Variants in LSAMP observed in about 807,000 individuals in gnomAD.
LSAMP encodes the protein limbic system-associated membrane protein.
Under a neutral mutation model 38.6 loss-of-function variants are expected in LSAMP, and 7 were observed. The ratio of observed to expected loss-of-function variants is 0.18; its 90% CI spans 0.10 to 0.34. LSAMP has a LOEUF of 0.34. LSAMP is among the 10% of genes least tolerant of loss of function. The pLI is 1.00. For synonymous variants in LSAMP, 154 were observed against 166.8 expected, an observed-to-expected ratio of 0.92 and a Z score of 0.59; for missense variants, 313 against 420.0, an observed-to-expected ratio of 0.75 and a Z score of 2.23.
chr3:116,178,755 A>G (rs1418185802), intron 1 of LSAMP, among the ~76,000 whole-genome samples: 1 of 152,148 alleles, frequency 6.6e-6, no homozygotes, highest in Non-Finnish European at 1.5e-5. Flanking sequence ...ACCCTTCAAA[A>G]CAGATAATAA....
intron 3 of LSAMP, among the ~76,000 whole-genome samples, chr3:115,930,116 G>C (rs1167568497): frequency 6.9e-6 from 1 of 144,906 alleles, no homozygotes; most frequent in Non-Finnish European, 1.5e-5. Flanking sequence ...AGTGACTTTG[G>C]GTGGAACTCT....
At chr3:116,107,377 A>T (rs1166283098) in intron 1 of LSAMP, among the ~76,000 whole-genome samples, 1 of 152,192 alleles carries the variant, frequency 6.6e-6, no homozygotes, top group Non-Finnish European at 1.5e-5. Flanking sequence ...AGGGCCTCTA[A>T]AAGTATTAAA....
intron 1 of LSAMP, among the ~76,000 whole-genome samples, chr3:116,108,817 C>A (rs1340739715): frequency 6.6e-6 from 1 of 152,154 alleles, no homozygotes; most frequent in Non-Finnish European, 1.5e-5. Flanking sequence ...GAACGCCTGG[C>A]CGCTGCGGTT....
At chr3:115,884,826 A>C (rs571413198) in intron 3 of LSAMP, among the ~76,000 whole-genome samples, 4 of 152,182 alleles carry the variant, frequency 2.6e-5, no homozygotes, top group Non-Finnish European at 5.9e-5. Context: ...AAAAGAATAA[A>C]CACGAATGAT....
chr3:115,891,918 G>A (rs758451984), intron 3 of LSAMP, among the ~76,000 whole-genome samples: 13 of 151,860 alleles, frequency 8.6e-5, no homozygotes, highest in Non-Finnish European at 1.6e-4. Context: ...TGATTATGAT[G>A]TTCACAGTCG....
At chr3:116,427,496 T>C (rs1258552420) in intron 1 of LSAMP, among the ~76,000 whole-genome samples, 2 of 152,218 alleles carry the variant, frequency 1.3e-5, no homozygotes, top group African/African-American at 2.4e-5. Context: ...CCATCAGAGC[T>C]ACAATTAGAA....
chr3:116,319,919 TC>T (rs1210426848), intron 1 of LSAMP, among the ~76,000 whole-genome samples: 3 of 152,148 alleles, frequency 2.0e-5, no homozygotes, highest in African/African-American at 7.2e-5. Context: ...GGTCTGTTTT[TC>T]CCTTGACTAC....
At chr3:115,946,350 A>T (rs1258468783) in intron 3 of LSAMP, among the ~76,000 whole-genome samples, 1 of 152,168 alleles carries the variant, frequency 6.6e-6, no homozygotes, top group Non-Finnish European at 1.5e-5. Flanking sequence ...AAAGGAATGG[A>T]GTGTTACCAA....
chr3:116,036,613 G>A (rs1941052279), intron 2 of LSAMP, among the ~76,000 whole-genome samples: 2 of 152,124 alleles, frequency 1.3e-5, no homozygotes, highest in Admixed American at 6.6e-5. Flanking sequence ...TAACCTATAA[G>A]TCACTGAGCC....
chr3:116,359,707 C>A (rs6785974), intron 1 of LSAMP, among the ~76,000 whole-genome samples: 127,674 of 152,094 alleles, frequency 0.84, 53,881 homozygotes, highest in South Asian at 0.93. Context: ...CCTGTCAAAA[C>A]TAAGCAATGG....
intron 3 of LSAMP, among the ~76,000 whole-genome samples, chr3:116,004,567 T>C (rs931607791): frequency 7.3e-5 from 11 of 150,304 alleles, no homozygotes; most frequent in South Asian, 2.1e-4. Context: ...TATATATATA[T>C]ACATATATAT....
At chr3:116,126,499 C>A (rs1420711392) in intron 1 of LSAMP, among the ~76,000 whole-genome samples, 1 of 152,196 alleles carries the variant, frequency 6.6e-6, no homozygotes, top group African/African-American at 2.4e-5. Flanking sequence ...CCTATGTCCA[C>A]AGTCAGAGCA....
chr3:116,220,930 G>A (rs1222007766), intron 1 of LSAMP, among the ~76,000 whole-genome samples: 11 of 152,152 alleles, frequency 7.2e-5, no homozygotes, highest in African/African-American at 1.4e-4. Flanking sequence ...CGGGGCAGGC[G>A]GATCACGAGG....
At chr3:116,161,682 C>T (rs952854941) in intron 1 of LSAMP, among the ~76,000 whole-genome samples, 2 of 152,108 alleles carry the variant, frequency 1.3e-5, no homozygotes, top group East Asian at 3.9e-4. Flanking sequence ...ACTGAGGTTC[C>T]AAACTGTCTA....
chr3:115,884,667 G>C (rs74787777), intron 3 of LSAMP, among the ~76,000 whole-genome samples: 3,523 of 152,046 alleles, frequency 0.023, 129 homozygotes, highest in African/African-American at 0.078. Flanking sequence ...AGAAAACAAT[G>C]CAAGGAATGC....
At chr3:116,098,698 C>T (rs1221975975) in intron 1 of LSAMP, among the ~76,000 whole-genome samples, 1 of 152,134 alleles carries the variant, frequency 6.6e-6, no homozygotes, top group African/African-American at 2.4e-5. Context: ...GTGAGGAGGA[C>T]TTCATCCTTG....
chr3:116,408,979 G>A (rs761055992), intron 1 of LSAMP, among the ~76,000 whole-genome samples: 1 of 152,002 alleles, frequency 6.6e-6, no homozygotes, highest in Non-Finnish European at 1.5e-5. Flanking sequence ...TCATTGTGCA[G>A]AAACAGAAAA....
chr3:116,367,728 C>T (rs768277215), intron 1 of LSAMP, among the ~76,000 whole-genome samples: 42 of 151,968 alleles, frequency 2.8e-4, no homozygotes, highest in Middle Eastern at 6.8e-3. Flanking sequence ...AGGCTGGTCT[C>T]GAACTCCTGA....
chr3:115,957,285 G>T (rs1186028156), intron 3 of LSAMP, among the ~76,000 whole-genome samples: 1 of 152,128 alleles, frequency 6.6e-6, no homozygotes, highest in Non-Finnish European at 1.5e-5. Context: ...CCATCTCCAA[G>T]GGCTAAAGCC....
Sources: gnomAD v4.1 joint callset for allele counts (sites outside exome capture counted in the v4.1 genomes callset) on GRCh38, gnomAD v4.1.1 for gene constraint, MANE v1.5 for transcripts, NCBI Gene and HGNC (gene_info 2026-07-23, HGNC 2026-07-21) for gene names.